The following SLC6A5 variants were observed in gnomAD, a reference collection of about 807,000 sequenced individuals.
SLC6A5 encodes solute carrier family 6 member 5.
In SLC6A5, 58 loss-of-function variants were observed where a neutral mutation model predicts 90.5. That is an observed-to-expected ratio of 0.64 (90% CI 0.52 to 0.80). The LOEUF (loss-of-function observed/expected upper bound fraction) is 0.80, where lower values mean the gene tolerates loss of function less well. Ranked by LOEUF, SLC6A5 falls within the 30% of genes least tolerant of loss-of-function variation. SLC6A5 has a pLI of 0.00. For synonymous variants in SLC6A5, 427 were observed against 401.4 expected (o/e 1.06, Z -0.76); for missense variants, 1,015 against 1,017.6 (o/e 1.00, Z 0.03).
At chr11:20,644,056 TTTA>T (rs986041682) in intron 13 of SLC6A5, among the ~76,000 whole-genome samples, 3 of 152,250 alleles carry the variant, frequency 2.0e-5, no homozygotes, top group African/African-American at 7.2e-5. Context: ...TTATGTATTT[TTTA>T]TTAGATACTG....
chr11:20,616,295 A>C (rs1852782077), intron 6 of SLC6A5, among the ~76,000 whole-genome samples: 1 of 152,230 alleles, frequency 6.6e-6, no homozygotes, highest in South Asian at 2.1e-4. Flanking sequence ...CTCCCTGAGC[A>C]CTGAGCAACT....
At chr11:20,609,903 T>A (rs1350061002) in intron 5 of SLC6A5, among the ~76,000 whole-genome samples, 1 of 152,182 alleles carries the variant, frequency 6.6e-6, no homozygotes, top group East Asian at 1.9e-4. Flanking sequence ...GAGGCTGCTG[T>A]CTTTAGGGTG....
chr11:20,636,517 C>G (rs114371627), intron 11 of SLC6A5, 98 bp downstream of exon 11: 2 of 776,346 alleles, frequency 2.6e-6, no homozygotes, highest in Admixed American at 1.9e-5. Flanking sequence ...GGTAGGCTTA[C>G]GGGTGTCTGA....
chr11:20,641,654 G>A (rs1202817666), intron 13 of SLC6A5, among the ~76,000 whole-genome samples: 2 of 152,092 alleles, frequency 1.3e-5, no homozygotes, highest in East Asian at 3.9e-4. Flanking sequence ...AGGGTGTAGT[G>A]TTCCCTAGTT....
intron 7 of SLC6A5, 119 bp downstream of exon 7, chr11:20,618,003 C>T (rs1347728667): frequency 2.9e-6 from 3 of 1,025,760 alleles, no homozygotes; most frequent in African/African-American, 3.2e-5. Context: ...CTGACTCTGC[C>T]CTGGAGCAGC....
chr11:20,638,038 G>C (rs973313525), intron 12 of SLC6A5, among the ~76,000 whole-genome samples: 1 of 152,126 alleles, frequency 6.6e-6, no homozygotes, highest in Non-Finnish European at 1.5e-5. Flanking sequence ...AGATAATGTG[G>C]GGGTGTGTGA....
At chr11:20,648,024 G>A (rs1289187052) in intron 14 of SLC6A5, among the ~76,000 whole-genome samples, 7 of 152,060 alleles carry the variant, frequency 4.6e-5, no homozygotes, top group Admixed American at 4.6e-4. Flanking sequence ...CTTTGTTATT[G>A]TGCTATAAGC....
chr11:20,608,088 C>T (rs976258130), intron 5 of SLC6A5, among the ~76,000 whole-genome samples: 1 of 152,204 alleles, frequency 6.6e-6, no homozygotes, highest in Admixed American at 6.5e-5. Flanking sequence ...TCCCAGGTGA[C>T]TTATCTGCAT....
intron 9 of SLC6A5, 36 bp downstream of exon 9, chr11:20,628,119 G>A (rs1375282790): frequency 2.0e-6 from 3 of 1,491,866 alleles, no homozygotes; most frequent in Non-Finnish European, 1.9e-6. Context: ...GGCATAGCTG[G>A]TGAGTGGGAC....
chr11:20,646,180 G>A (rs967274783), intron 13 of SLC6A5, among the ~76,000 whole-genome samples: 7 of 152,308 alleles, frequency 4.6e-5, no homozygotes, highest in African/African-American at 1.4e-4. Context: ...CAGGGATGGC[G>A]GTTGTCTAGG....
chr11:20,628,988 C>T (rs754270055), intron 9 of SLC6A5, among the ~76,000 whole-genome samples: 1 of 152,160 alleles, frequency 6.6e-6, no homozygotes, highest in African/African-American at 2.4e-5. Context: ...TCTCTCCTGG[C>T]AACAGCCTAT....
intron 14 of SLC6A5, among the ~76,000 whole-genome samples, chr11:20,649,755 C>A (rs1721560083): frequency 6.6e-6 from 1 of 152,268 alleles, no homozygotes; most frequent in Admixed American, 6.5e-5. Flanking sequence ...CTGAGTTATG[C>A]ATGCACATAA....
intron 1 of SLC6A5, among the ~76,000 whole-genome samples, chr11:20,600,335 GGAA>G (rs55891826): frequency 0.083 from 7,257 of 87,700 alleles, 87 homozygotes; most frequent in African/African-American, 0.089. Context: ...AAGAAGAAGA[GGAA>G]GAAGAAGAAG....
At chr11:20,622,166 A>G (rs942388513) in intron 7 of SLC6A5, among the ~76,000 whole-genome samples, 3 of 152,156 alleles carry the variant, frequency 2.0e-5, no homozygotes, top group African/African-American at 4.8e-5. Flanking sequence ...TGCATTCTGA[A>G]TCTCCCCTGA....
At chr11:20,606,690 A>C (rs1247905240) in intron 3 of SLC6A5, among the ~76,000 whole-genome samples, 1 of 152,162 alleles carries the variant, frequency 6.6e-6, no homozygotes, top group African/African-American at 2.4e-5. Flanking sequence ...GGAGGGCTTC[A>C]TTTTGGGAAA....
chr11:20,646,770 C>A, intron 13 of SLC6A5, 64 bp from the exon 14 acceptor site: 1 of 1,154,484 alleles, frequency 8.7e-7, no homozygotes, highest in Non-Finnish European at 1.3e-6. Context: ...TAGTGCCTGC[C>A]CTGCCACCAC....
chr11:20,645,305 G>T (rs1384798262), intron 13 of SLC6A5, among the ~76,000 whole-genome samples: 1 of 152,094 alleles, frequency 6.6e-6, no homozygotes, highest in African/African-American at 2.4e-5. Flanking sequence ...AGGTGGGGGT[G>T]GTGGGGGACA....
chr11:20,616,320 A>G (rs1317826758), intron 6 of SLC6A5, among the ~76,000 whole-genome samples: 3 of 152,226 alleles, frequency 2.0e-5, no homozygotes, highest in Admixed American at 6.5e-5. Flanking sequence ...CTGACCTGGT[A>G]GTATGATGAA....
chr11:20,601,451 C>T lies in SLC6A5; in HGVS notation c.326C>T (p.Pro109Leu). ...EAQGAQASPP[P>L]GSSGPGNALH... Reference sequence around the variant, plus strand: ...CAAGGCGCGCAGGCCTCGCCCCCTCCCGGGAGCTCCGGGCCCGGCAACGCG... The same window carrying T: ...CAAGGCGCGCAGGCCTCGCCCCCTCTCGGGAGCTCCGGGCCCGGCAACGCG... The change falls in exon 2 of 16, where the codon CCC becomes CTC. Residue 109 changes from proline (P) to leucine (L), a missense_variant. Physicochemically the swap from Pro to Leu is moderately conservative, Grantham distance 98. This residue lies in a region of SLC6A5 where 567 missense variants were observed against 507.3 expected (regional missense o/e 1.12). Coordinates refer to ENST00000525748, the MANE Select transcript of SLC6A5 (RefSeq NM_004211.5). The T allele has an allele frequency of 6.2e-7, 1 of 1,608,826 alleles. No homozygotes were observed. Among genetic ancestry groups the T allele is most frequent in the Non-Finnish European group, 8.5e-7 (1 of 1,177,770 alleles).
Sources: gnomAD v4.1 joint callset for allele counts (sites outside exome capture counted in the v4.1 genomes callset) on GRCh38, gnomAD v4.1.1 for gene constraint, gnomAD v4.1.1 regional missense constraint, MANE v1.5 for transcripts, NCBI Gene and HGNC (gene_info 2026-07-23, HGNC 2026-07-21) for gene names.